The following DIPK1A variants were observed in gnomAD, a reference collection of about 807,000 sequenced individuals.
DIPK1A encodes the protein divergent protein kinase domain 1A.
A neutral mutation model predicts 40.8 loss-of-function variants in DIPK1A; 27 were observed. The observed-to-expected ratio is 0.66, with a 90% CI of 0.49 to 0.91. DIPK1A has a LOEUF of 0.91. Among genes scored for constraint, DIPK1A ranks in the 40% least tolerant of loss-of-function variants. DIPK1A has a pLI of 0.00. For missense variants in DIPK1A, 412 were observed against 505.7 expected (o/e 0.81, Z 1.78); for synonymous variants, 166 against 171.3 (o/e 0.97, Z 0.24).
At chr1:92,837,737 C>A, downstream of DIPK1A, 2 of 887,290 alleles carry the variant, frequency 2.3e-6, no homozygotes, top group Non-Finnish European at 3.7e-6. Flanking sequence ...TGTTTCTTGA[C>A]AACATGAGCT....
downstream of DIPK1A, chr1:92,837,916 AACTTC>A (rs1687190761): frequency 7.1e-6 from 3 of 422,026 alleles, no homozygotes; most frequent in South Asian, 2.2e-5. Context: ...CTAGATAATA[AACTTC>A]ACTTATTTTG....
chr1:92,909,219 C>A (rs145530119), intron 1 of DIPK1A, among the ~76,000 whole-genome samples: 1 of 152,272 alleles, frequency 6.6e-6, no homozygotes, highest in African/African-American at 2.4e-5. Context: ...CCTTCATCTG[C>A]AGAGGAGAAT....
At chr1:92,837,743 G>C, downstream of DIPK1A, 1 of 837,894 alleles carries the variant, frequency 1.2e-6, no homozygotes. Flanking sequence ...TTGACAACAT[G>C]AGCTAGACTT....
chr1:92,858,148 G>A (rs1027856239), intron 2 of DIPK1A, among the ~76,000 whole-genome samples: 4 of 152,192 alleles, frequency 2.6e-5, no homozygotes, highest in African/African-American at 9.7e-5. Context: ...CAATTCATGG[G>A]ATCGGACTTA....
intron 1 of DIPK1A, among the ~76,000 whole-genome samples, chr1:92,891,659 G>C (rs1648885958): frequency 6.6e-6 from 1 of 152,136 alleles, no homozygotes; most frequent in South Asian, 2.1e-4. Flanking sequence ...CAGACAGTGG[G>C]TGCAGGACAG....
intron 2 of DIPK1A, among the ~76,000 whole-genome samples, chr1:92,861,694 C>T (rs1306387526): frequency 6.6e-6 from 1 of 152,086 alleles, no homozygotes; most frequent in South Asian, 2.1e-4. Flanking sequence ...ATTTAACCTC[C>T]TTCAGCATTT....
rs144734156 is a variant in DIPK1A at position 92,866,596 on chromosome 1, C to T, written c.189+9700G>A. 5.7e-4 allele frequency among the ~76,000 whole-genome samples: 87 copies of T among 152,254 alleles called. No individual in the cohort carries two copies. The East Asian group carries it at 0.016, about 28-fold the overall frequency. On this transcript the variant is annotated intron_variant, in intron 2 of 4. Coordinates refer to ENST00000370310, the MANE Select transcript of DIPK1A (RefSeq NM_001006605.5). ...AACTAGGTTGGCTAGGCCATAGCCC[C>T]CAGTTATCAAAACAAACAATCTAGG...
intron 1 of DIPK1A, among the ~76,000 whole-genome samples, chr1:92,888,641 T>A (rs1229381954): frequency 6.6e-6 from 1 of 152,234 alleles, no homozygotes; most frequent in Non-Finnish European, 1.5e-5. Flanking sequence ...CTAATTTACA[T>A]TTCCACAAAC....
chr1:92,852,563 G>A (rs1465683481), intron 2 of DIPK1A, among the ~76,000 whole-genome samples: 2 of 152,196 alleles, frequency 1.3e-5, no homozygotes, highest in East Asian at 3.9e-4. Context: ...ATATTGTTAT[G>A]AATTTAAAGG....
intron 1 of DIPK1A, among the ~76,000 whole-genome samples, chr1:92,909,227 A>G (rs1198544306): frequency 2.0e-5 from 3 of 152,184 alleles, no homozygotes; most frequent in Non-Finnish European, 4.4e-5. Context: ...TGCAGAGGAG[A>G]ATACCTGAAA....
chr1:92,889,445 T>C (rs887387124), intron 1 of DIPK1A, among the ~76,000 whole-genome samples: 8 of 152,202 alleles, frequency 5.3e-5, no homozygotes, highest in African/African-American at 1.7e-4. Flanking sequence ...TAAAGCTTTG[T>C]TCTTTTTTCT....
chr1:92,892,147 T>C (rs1386048815), intron 1 of DIPK1A, among the ~76,000 whole-genome samples: 1 of 152,006 alleles, frequency 6.6e-6, no homozygotes, highest in African/African-American at 2.4e-5. Flanking sequence ...TCTGACAGCT[T>C]TGAAGAGAGT....
intron 1 of DIPK1A, among the ~76,000 whole-genome samples, chr1:92,928,374 G>T (rs1360989261): frequency 6.6e-6 from 1 of 152,102 alleles, no homozygotes; most frequent in Admixed American, 6.5e-5. Context: ...CTACAATACA[G>T]TGCTTTAATT....
chr1:92,845,529 ACCGT>A, intron 4 of DIPK1A: 1 of 289,136 alleles, frequency 3.5e-6, no homozygotes, highest in Admixed American at 4.9e-5. Context: ...AAAAAAAAAA[ACCGT>A]CTCTGCTGAA....
intron 1 of DIPK1A, among the ~76,000 whole-genome samples, chr1:92,912,524 T>C (rs1386777514): frequency 6.6e-6 from 1 of 152,114 alleles, no homozygotes; most frequent in Non-Finnish European, 1.5e-5. Flanking sequence ...TATGAATATA[T>C]AGGTGTAATT....
chr1:92,870,073 TATACACACACACACAC>T (rs773160763), intron 2 of DIPK1A, among the ~76,000 whole-genome samples: 6 of 143,748 alleles, frequency 4.2e-5, no homozygotes, highest in South Asian at 2.2e-4. Flanking sequence ...ATGAATTATA[TATACACACACACACAC>T]ACACACACAC....
At chr1:92,961,308 CTG>C (rs1211539962) in intron 1 of DIPK1A, 66 bp downstream of exon 1, 9 of 1,243,090 alleles carry the variant, frequency 7.2e-6, no homozygotes, top group Admixed American at 2.4e-5. Context: ...CGGGCGAGTC[CTG>C]CGCGGCGCGG....
chr1:92,835,322 G>C (rs977038976), intron 4 of DIPK1A: 1 of 309,260 alleles, frequency 3.2e-6, no homozygotes, highest in African/African-American at 2.2e-5. Context: ...TCTGTATTTT[G>C]ATAGTATGTA....
chr1:92,842,875 C>G lies in DIPK1A; in HGVS notation c.*508G>C, dbSNP rs1371485915. The G allele has an allele frequency of 1.0e-6, 1 of 986,098 alleles. No individual in the cohort carries two copies. Among genetic ancestry groups the G allele is most frequent in the African/African-American group, 1.7e-5 (1 of 57,240 alleles). 61.1% of individuals were successfully genotyped at this position (986,098 alleles called of 1,614,324 possible). ...AAAATGGGTGTATAAGTCTTTAATA[C>G]AGTAAACCATGCTATTAACCCAACA... On this transcript the variant is annotated 3_prime_UTR_variant, in exon 5 of 5. Transcript: ENST00000370310.
Sources: gnomAD v4.1 joint callset for allele counts (sites outside exome capture counted in the v4.1 genomes callset) on GRCh38, gnomAD v4.1.1 for gene constraint, MANE v1.5 for transcripts, NCBI Gene and HGNC (gene_info 2026-07-23, HGNC 2026-07-21) for gene names.